ZNF829: variants seen among roughly 807,000 people sequenced by gnomAD.
The protein encoded by ZNF829 is zinc finger protein 829.
A neutral mutation model predicts 35.2 loss-of-function variants in ZNF829; 25 were observed. The observed-to-expected ratio is 0.71, with a 90% confidence interval of 0.52 to 0.99. ZNF829 has a LOEUF of 0.99. ZNF829 is among the 50% of genes least tolerant of loss of function. The probability of loss-of-function intolerance (pLI) is 0.00; values close to 1 mark genes in which losing one functional copy is unlikely to be tolerated. For synonymous variants in ZNF829, 136 were observed against 163.2 expected, an observed-to-expected ratio of 0.83 and a Z score of 1.27; for missense variants, 417 against 515.3, an observed-to-expected ratio of 0.81 and a Z score of 1.85.
At position 36,888,209 on chromosome 19, in the gene ZNF829, TA is replaced by T. The variant is rs71754010; in HGVS notation, c.*3282del. ...TGATCAGTTTCTCATAACATAGAAA[TA>T]GAAATGAAATTATAAATTGTGCTGT... On this transcript the variant is annotated 3_prime_UTR_variant, in exon 6 of 6. Transcript: ENST00000391711. 3 of 151,272 alleles carry T rather than the reference TA, an allele frequency of 2.0e-5. No homozygotes were observed. The highest frequency in any genetic ancestry group is 2.0e-4 in the Admixed American group (3 of 15,172). The allele number at this position is 151,272 out of a possible 1,614,324, so 9.4% of individuals were successfully genotyped here. A position where few individuals can be genotyped will look rare whatever the true frequency, so the allele number is the denominator to read the frequency against.
intron 3 of ZNF829, among the ~76,000 whole-genome samples, chr19:36,912,509 C>T (rs2073272702): frequency 6.6e-6 from 1 of 152,004 alleles, no homozygotes; most frequent in African/African-American, 2.4e-5. Flanking sequence ...TAATCTTATG[C>T]CCTCTTTTGT....
chr19:36,913,920 T>G (rs2073284245), intron 3 of ZNF829, among the ~76,000 whole-genome samples: 1 of 151,914 alleles, frequency 6.6e-6, no homozygotes, highest in Admixed American at 6.6e-5. Flanking sequence ...AAAAAATCAG[T>G]GGAAGAGAAT....
intron 4 of ZNF829, 73 bp from the exon 5 acceptor site, chr19:36,908,097 A>G: frequency 7.3e-7 from 1 of 1,366,824 alleles, no homozygotes; most frequent in Non-Finnish European, 1.0e-6. Flanking sequence ...TCCCTTAGTG[A>G]TCAAAGGAGA....
At chr19:36,908,197 T>C (rs2073234689) in intron 4 of ZNF829, 136 bp downstream of exon 4, 1 of 1,342,872 alleles carries the variant, frequency 7.4e-7, no homozygotes, top group African/African-American at 1.5e-5. Flanking sequence ...ACTCTTCCAT[T>C]CTATTTTAAC....
intron 5 of ZNF829, among the ~76,000 whole-genome samples, chr19:36,904,098 A>AT (rs2073195215): frequency 1.3e-5 from 2 of 152,230 alleles, no homozygotes; most frequent in African/African-American, 2.4e-5. Flanking sequence ...GGGGATGCAC[A>AT]TTAAGTAGGT....
chr19:36,897,418 A>G (rs1235326568), intron 5 of ZNF829, among the ~76,000 whole-genome samples: 2 of 152,218 alleles, frequency 1.3e-5, no homozygotes, highest in African/African-American at 2.4e-5. Flanking sequence ...ATCAATAAAC[A>G]TGATGTATCA....
chr19:36,896,384 G>A (rs917658362), intron 5 of ZNF829, among the ~76,000 whole-genome samples: 1 of 152,066 alleles, frequency 6.6e-6, no homozygotes, highest in African/African-American at 2.4e-5. Flanking sequence ...TCAGGAGGCT[G>A]AGGCAGGAGA....
At chr19:36,908,640 C>T (rs1296603560) in intron 3 of ZNF829, among the ~76,000 whole-genome samples, 181 bp from the exon 4 acceptor site, 2 of 152,194 alleles carry the variant, frequency 1.3e-5, no homozygotes, top group African/African-American at 4.8e-5. Context: ...TATGAAATAG[C>T]ATGCATTCAG....
Position 36,891,797 on chromosome 19 carries a change from C to A in ZNF829, c.994G>T (p.Ala332Ser). 1.9e-6 allele frequency: 3 copies of A among 1,614,140 alleles called. No individual in the cohort carries two copies. Among genetic ancestry groups the A allele is most frequent in the South Asian group, 2.2e-5 (2 of 91,078 alleles). The stretch of plus-strand genomic sequence containing the variant: ...GTAAGTGTTGAGGCACTATTAAAGG[C>A]CTTCCCACACTGCTTACATTCATAA... Reference protein sequence around the residue: ...KPYECKQCGKAFNSASTLTNH... With the variant: ...KPYECKQCGKSFNSASTLTNH... The change falls in exon 6 of 6, where the codon GCC becomes TCC. Residue 332 changes from alanine to serine, a missense_variant. Ala to Ser is a moderately conservative substitution (Grantham distance 99, BLOSUM62 1). Coordinates refer to ENST00000391711, the MANE Select transcript of ZNF829 (RefSeq NM_001037232.4).
At chr19:36,914,616 A>C (rs1010186566) in intron 3 of ZNF829, among the ~76,000 whole-genome samples, 6 of 152,192 alleles carry the variant, frequency 3.9e-5, no homozygotes, top group African/African-American at 1.4e-4. Context: ...AGACCATTTG[A>C]TGACATGGGA....
intron 5 of ZNF829, among the ~76,000 whole-genome samples, chr19:36,901,587 CT>C (rs1313986068): frequency 6.6e-6 from 1 of 152,062 alleles, no homozygotes; most frequent in African/African-American, 2.4e-5. Context: ...GGTTGGGCAA[CT>C]TTTTAAATAA....
chr19:36,899,307 T>A (rs1484747494), intron 5 of ZNF829, among the ~76,000 whole-genome samples: 1 of 151,656 alleles, frequency 6.6e-6, no homozygotes, highest in African/African-American at 2.4e-5. Flanking sequence ...TAGCTAGGTA[T>A]AGTGGCATGC....
At chr19:36,907,797 G>T in intron 5 of ZNF829, 132 bp downstream of exon 5, 1 of 666,494 alleles carries the variant, frequency 1.5e-6, no homozygotes, top group Non-Finnish European at 2.5e-6. Context: ...TAGGGAAAAA[G>T]TATGAGAAAA....
At chr19:36,892,847 C>T in intron 5 of ZNF829, 5 of 1,075,200 alleles carry the variant, frequency 4.7e-6, no homozygotes, top group Non-Finnish European at 6.0e-6. Context: ...TGAGACCCAG[C>T]TCTGTGTCTC....
At position 36,915,974 on chromosome 19, in the gene ZNF829, ACCTG is replaced by A. The variant is rs1447647987; in HGVS notation, c.-85+33_-85+36del. On this transcript the variant is annotated intron_variant, in intron 1 of 5. Coordinates refer to ENST00000391711, the MANE Select transcript of ZNF829 (RefSeq NM_001037232.4). Reference sequence around the variant, plus strand: ...AGTCATCCCGGATGGGAACTTGCAGACCTGAGCCAGTTCTCCTGGGGACCAAAAT... The same window carrying A: ...AGTCATCCCGGATGGGAACTTGCAGAAGCCAGTTCTCCTGGGGACCAAAAT... 2.5e-5 allele frequency: 38 copies of A among 1,521,298 alleles called. No homozygotes were observed. The African/African-American group carries it at 2.9e-4, about 12-fold the overall frequency. The allele number at this position is 1,521,298 out of a possible 1,614,324, so 94.2% of individuals were successfully genotyped here.
At chr19:36,909,954 T>C (rs1270782539) in intron 3 of ZNF829, among the ~76,000 whole-genome samples, 1 of 151,986 alleles carries the variant, frequency 6.6e-6, no homozygotes, top group African/African-American at 2.4e-5. Context: ...AATAGCAATA[T>C]AGGAATATTA....
Position 36,916,073 on chromosome 19 carries a change from C to A in ZNF829, c.-147G>T. On this transcript the variant is annotated 5_prime_UTR_variant, in exon 1 of 6. Transcript: ENST00000391711. This position sits in a 1 kb window ranked among gnomAD's most constrained non-coding sequence, Gnocchi z 5.3. ...GTTCGAATTCCTGCGAGAAAAGTGG[C>A]AGGCCACCAGGCCCTCTGGGAAATG... 1 of 745,926 alleles carries A rather than the reference C, an allele frequency of 1.3e-6. No homozygotes were observed. The highest frequency in any genetic ancestry group is 2.1e-6 in the Non-Finnish European group (1 of 476,724). 46.2% of individuals were successfully genotyped at this position (745,926 alleles called of 1,614,324 possible).
In ZNF829 at chr19:36,899,431, A is replaced by C. The variant is rs78320575; in HGVS notation, c.320-6960T>G. ...CTGCACTCCAGTCTGGCTGACAGTG[A>C]AACTCTCTCACATACACAAAAAATG... On this transcript the variant is annotated intron_variant, in intron 5 of 5. Coordinates refer to ENST00000391711, the MANE Select transcript of ZNF829 (RefSeq NM_001037232.4). Among the ~76,000 whole-genome samples the C allele has an allele frequency of 7.9e-3, 1,200 of 152,182 alleles. 20 individuals carry two copies. Among genetic ancestry groups the C allele is most frequent in the African/African-American group, 0.027 (1,139 of 41,508 alleles).
Position 36,916,166 on chromosome 19 carries a change from CCCTCAACTCT to C in ZNF829, c.-250_-241del. The C allele has an allele frequency of 1.9e-6, 1 of 522,064 alleles. No individual in the cohort carries two copies. Among genetic ancestry groups the C allele is most frequent in the Non-Finnish European group, 3.4e-6 (1 of 295,462 alleles). 32.3% of individuals were successfully genotyped at this position (522,064 alleles called of 1,614,324 possible). A position where few individuals can be genotyped will look rare whatever the true frequency, so the allele number is the denominator to read the frequency against. On this transcript the variant is annotated 5_prime_UTR_variant, in exon 1 of 6. The change creates a premature stop within an existing upstream ORF in the 5' untranslated region. Transcript: ENST00000391711. This position sits in a 1 kb window ranked among gnomAD's most constrained non-coding sequence, Gnocchi z 5.3. ...CCTGGGCCCACCCGAAACGGCTGCT[CCCTCAACTCT>C]CAACATCCAGCCGAGCCTCGGAGTT...
Sources: allele counts gnomAD v4.1 joint callset (sites outside exome capture counted in the v4.1 genomes callset), GRCh38; gene constraint gnomAD v4.1.1; non-coding constraint Gnocchi (gnomAD v3.1); transcripts MANE v1.5; gene names NCBI Gene and HGNC (gene_info 2026-07-23, HGNC 2026-07-21).